The following PRICKLE2 variants were observed in gnomAD, a reference collection of about 807,000 sequenced individuals.
The protein encoded by PRICKLE2 is prickle planar cell polarity protein 2.
A neutral mutation model predicts 81.4 loss-of-function variants in PRICKLE2; 21 were observed. The ratio of observed to expected loss-of-function variants is 0.26; its 90% CI spans 0.18 to 0.37. The LOEUF is 0.37. PRICKLE2 is among the 10% of genes least tolerant of loss of function. The pLI is 1.00. For synonymous variants in PRICKLE2, 456 were observed against 421.5 expected (o/e 1.08, Z -1.00); for missense variants, 940 against 1,109.0 (o/e 0.85, Z 2.16).
In PRICKLE2 at chr3:64,238,944, C is replaced by G. The variant is rs183897907; in HGVS notation, c.129-39977G>C. On this transcript the variant is annotated intron_variant, in intron 2 of 8. Transcript: ENST00000295902. ...CACCAGTCAGCCCACCCAACCCAAGCCCATGGAATCCCTGGCAGCCAGGGC... is the reference window on the plus strand; with the variant it reads ...CACCAGTCAGCCCACCCAACCCAAGGCCATGGAATCCCTGGCAGCCAGGGC... Among the ~76,000 whole-genome samples, 73 of 152,266 alleles carry G rather than the reference C, an allele frequency of 4.8e-4. 2 individuals carry two copies. The East Asian group carries it at 0.013, about 26-fold the overall frequency.
At chr3:64,196,178 T>C (rs1251545950) in intron 2 of PRICKLE2, among the ~76,000 whole-genome samples, 1 of 152,194 alleles carries the variant, frequency 6.6e-6, no homozygotes, top group East Asian at 1.9e-4. Flanking sequence ...CTTGGGTCAA[T>C]ATGAGTAGAA....
In PRICKLE2 at chr3:64,259,772, C is replaced by T. The variant is rs1275337255; in HGVS notation, c.129-60805G>A. Among the ~76,000 whole-genome samples, 8 of 152,174 alleles carry T rather than the reference C, an allele frequency of 5.3e-5. No homozygotes were observed. In the South Asian group the frequency reaches 8.3e-4, roughly 16 times the overall value. ...GATGGAGGCAGCTACTGGAGTGATG[C>T]GGCTGTAACCATGGAAAGCCAAGGA... On this transcript the variant is annotated intron_variant, in intron 2 of 8. Coordinates refer to the PRICKLE2 transcript ENST00000295902.
intron 2 of PRICKLE2, among the ~76,000 whole-genome samples, chr3:64,184,138 G>C (rs749621612): frequency 6.6e-6 from 1 of 152,190 alleles, no homozygotes; most frequent in Non-Finnish European, 1.5e-5. Context: ...TGTTTCCCCA[G>C]ATAGGCCTTA....
chr3:64,114,347 G>A (rs576206709), intron 7 of PRICKLE2, among the ~76,000 whole-genome samples: 2 of 152,276 alleles, frequency 1.3e-5, no homozygotes, highest in South Asian at 4.1e-4. Flanking sequence ...CACCTTTCCA[G>A]CAAGGAATCA....
intron 1 of PRICKLE2, among the ~76,000 whole-genome samples, chr3:64,219,753 T>A (rs762938645): frequency 6.6e-6 from 1 of 152,168 alleles, no homozygotes; most frequent in Non-Finnish European, 1.5e-5. Flanking sequence ...CCAGGGGACA[T>A]TATAATGAAA....
chr3:64,228,162 C>G (rs1220069695), upstream of PRICKLE2, among the ~76,000 whole-genome samples: 2 of 152,190 alleles, frequency 1.3e-5, no homozygotes, highest in Admixed American at 1.3e-4. Flanking sequence ...ATTAAATAAG[C>G]TCCTACTATT....
chr3:64,213,454 A>C (rs1201270207), intron 1 of PRICKLE2, among the ~76,000 whole-genome samples: 2 of 152,206 alleles, frequency 1.3e-5, no homozygotes, highest in African/African-American at 4.8e-5. Context: ...CGGATGAATC[A>C]AGGACTTTAG....
At chr3:64,211,465 T>C (rs955566805) in intron 1 of PRICKLE2, among the ~76,000 whole-genome samples, 5 of 152,218 alleles carry the variant, frequency 3.3e-5, no homozygotes, top group African/African-American at 9.6e-5. Context: ...AAGAGAAAGA[T>C]GCTGAAATGT....
At chr3:64,124,237 G>C (rs1395677835) in intron 7 of PRICKLE2, among the ~76,000 whole-genome samples, 1 of 152,186 alleles carries the variant, frequency 6.6e-6, no homozygotes, top group Non-Finnish European at 1.5e-5. Flanking sequence ...GTCTATGAAG[G>C]CTGAGTGAGG....
rs181093311 is a variant in PRICKLE2 at position 64,262,804 on chromosome 3, C to T, written c.129-63837G>A. ...GACATCTCTTAACATATTTAACCCT[C>T]CCTAAAACTCCATAGGGTAGGTGTC... On this transcript the variant is annotated intron_variant, in intron 2 of 8. Coordinates refer to the PRICKLE2 transcript ENST00000295902. 3.9e-5 allele frequency among the ~76,000 whole-genome samples: 6 copies of T among 152,258 alleles called. No homozygotes were observed. The East Asian group carries it at 1.2e-3, about 29-fold the overall frequency.
intron 7 of PRICKLE2, chr3:64,146,586 C>T (rs1020008493): frequency 2.1e-6 from 1 of 471,480 alleles, no homozygotes; most frequent in African/African-American, 2.0e-5. Flanking sequence ...ACTAAAAATA[C>T]AAAAAAATTA....
At chr3:64,200,735 G>C (rs2078558293) in intron 1 of PRICKLE2, 1 of 152,076 alleles carries the variant, frequency 6.6e-6, no homozygotes, top group Non-Finnish European at 1.5e-5. Flanking sequence ...TCCTGCCTTG[G>C]CCTCCTGAGT....
chr3:64,113,093 G>A (rs563843804), intron 7 of PRICKLE2, among the ~76,000 whole-genome samples: 6 of 152,260 alleles, frequency 3.9e-5, no homozygotes, highest in South Asian at 4.1e-4. Context: ...CAGGCCTTGG[G>A]AACCCTAGAA....
At chr3:64,262,881 G>A (rs1008649445) in intron 2 of PRICKLE2, among the ~76,000 whole-genome samples, 1 of 152,182 alleles carries the variant, frequency 6.6e-6, no homozygotes, top group African/African-American at 2.4e-5. Context: ...AGATGTAAAT[G>A]ACTTGTCCCA....
chr3:64,120,456 G>C (rs1196099511), intron 7 of PRICKLE2, among the ~76,000 whole-genome samples: 1 of 152,124 alleles, frequency 6.6e-6, no homozygotes, highest in Non-Finnish European at 1.5e-5. Flanking sequence ...CTTGCCCAAG[G>C]TCATGGGTGA....
intron 6 of PRICKLE2, among the ~76,000 whole-genome samples, chr3:64,149,727 G>A (rs889122336): frequency 9.2e-5 from 14 of 152,158 alleles, no homozygotes; most frequent in African/African-American, 2.7e-4. Flanking sequence ...AAAGGCCACC[G>A]GCCCAAGCAG....
At chr3:64,142,001 ACT>A in intron 7 of PRICKLE2, 2 of 929,124 alleles carry the variant, frequency 2.2e-6, no homozygotes, top group Non-Finnish European at 2.6e-6. Context: ...TAAAAAAAAA[ACT>A]ACTGAATTTT....
At chr3:64,146,659 C>T (rs1402247179) in intron 7 of PRICKLE2, 171 bp downstream of exon 7, 14 of 673,136 alleles carry the variant, frequency 2.1e-5, no homozygotes, top group South Asian at 7.4e-5. Flanking sequence ...AGGAGAATGG[C>T]GTGAACCCGG....
At chr3:64,260,496 C>T (rs532514987) in intron 2 of PRICKLE2, among the ~76,000 whole-genome samples, 1 of 152,314 alleles carries the variant, frequency 6.6e-6, no homozygotes, top group East Asian at 1.9e-4. Flanking sequence ...CCTGAAGGGG[C>T]CCCTTTAATT....
Sources: gnomAD v4.1 joint callset for allele counts (sites outside exome capture counted in the v4.1 genomes callset) on GRCh38, gnomAD v4.1.1 for gene constraint, MANE v1.5 for transcripts, NCBI Gene and HGNC (gene_info 2026-07-23, HGNC 2026-07-21) for gene names.